TLL2: variants seen among roughly 807,000 people sequenced by gnomAD.
TLL2 encodes tolloid-like protein 2.
TLL2 carries 106 observed loss-of-function variants against 123.0 expected under a neutral mutation model. The observed-to-expected ratio is 0.86, with a 90% CI of 0.74 to 1.01. TLL2 has a LOEUF of 1.01. Among genes scored for constraint, TLL2 ranks in the 50% least tolerant of loss-of-function variants. The probability of loss-of-function intolerance (pLI) is 0.00; values close to 1 mark genes in which losing one functional copy is unlikely to be tolerated. For missense variants in TLL2, 1,332 were observed against 1,336.7 expected, an observed-to-expected ratio of 1.00 and a Z score of 0.06; for synonymous variants, 494 against 516.8, an observed-to-expected ratio of 0.96 and a Z score of 0.60.
At chr10:96,506,254 AAAAAAAAAAAAG>A (rs1191596070) in intron 1 of TLL2, among the ~76,000 whole-genome samples, 5 of 115,016 alleles carry the variant, frequency 4.3e-5, no homozygotes, top group African/African-American at 1.6e-4. Flanking sequence ...CCCATCTCAA[AAAAAAAAAAAAG>A]AAAAAAAAAA....
chr10:96,421,520 C>T (rs999492595), intron 6 of TLL2, among the ~76,000 whole-genome samples: 164 of 152,142 alleles, frequency 1.1e-3, no homozygotes, highest in East Asian at 5.6e-3. Context: ...AAAAATTAGC[C>T]GGGCATGGTG....
intron 1 of TLL2, among the ~76,000 whole-genome samples, chr10:96,483,290 A>G (rs1847328712): frequency 6.6e-6 from 1 of 152,200 alleles, no homozygotes; most frequent in African/African-American, 2.4e-5. Flanking sequence ...GACCTCCCAG[A>G]GTGTGGAGCT....
At chr10:96,433,768 T>C (rs1301194917) in intron 3 of TLL2, among the ~76,000 whole-genome samples, 1 of 152,186 alleles carries the variant, frequency 6.6e-6, no homozygotes, top group Non-Finnish European at 1.5e-5. Flanking sequence ...GCAGACTCTT[T>C]TCTTTGTTTT....
intron 19 of TLL2, among the ~76,000 whole-genome samples, chr10:96,372,336 G>A (rs962779619): frequency 2.6e-5 from 4 of 152,172 alleles, no homozygotes; most frequent in African/African-American, 9.7e-5. Flanking sequence ...AAGGATCACA[G>A]GGTCCCATGA....
chr10:96,484,298 T>G (rs1847337890), intron 1 of TLL2, among the ~76,000 whole-genome samples: 1 of 152,196 alleles, frequency 6.6e-6, no homozygotes, highest in Admixed American at 6.5e-5. Flanking sequence ...TCTATCAGGC[T>G]GAGACATAGA....
At chr10:96,407,945 C>A (rs1846467101) in intron 9 of TLL2, among the ~76,000 whole-genome samples, 1 of 152,192 alleles carries the variant, frequency 6.6e-6, no homozygotes, top group Non-Finnish European at 1.5e-5. Context: ...TGTTTTTCGA[C>A]CCTACTTGCA....
chr10:96,509,159 C>T (rs766631206), intron 1 of TLL2, among the ~76,000 whole-genome samples: 2 of 152,204 alleles, frequency 1.3e-5, no homozygotes, highest in South Asian at 2.1e-4. Flanking sequence ...GCGAATGAGC[C>T]TTCAGATAAC....
chr10:96,383,460 G>A (rs1397210819), intron 16 of TLL2, among the ~76,000 whole-genome samples: 1 of 152,128 alleles, frequency 6.6e-6, no homozygotes, highest in Admixed American at 6.5e-5. Flanking sequence ...TAAGTCTCAC[G>A]AGATCTGATG....
intron 15 of TLL2, 60 bp from the exon 16 acceptor site, chr10:96,384,827 C>A: frequency 6.9e-7 from 1 of 1,456,510 alleles, no homozygotes; most frequent in South Asian, 1.5e-5. Context: ...AGACCCCCAG[C>A]ACACTGCTGC....
intron 1 of TLL2, among the ~76,000 whole-genome samples, chr10:96,513,172 C>T (rs1400922071): frequency 6.6e-6 from 1 of 152,164 alleles, no homozygotes; most frequent in Non-Finnish European, 1.5e-5. Flanking sequence ...CGGCCCGGAG[C>T]GTCTGGCGGT....
Position 96,386,938 on chromosome 10 carries a change from A to G in TLL2, c.1852+15T>C. The G allele has an allele frequency of 1.2e-6, 2 of 1,613,712 alleles. No individual in the cohort carries two copies. The highest frequency in any genetic ancestry group is 1.7e-6 in the Non-Finnish European group (2 of 1,179,702). On this transcript the variant is annotated intron_variant, in intron 14 of 20. Coordinates refer to ENST00000357947, the MANE Select transcript of TLL2 (RefSeq NM_012465.4). ...ATATACCCTCTCATTCTAGCTTGGCAGGTCCCACACCAACCTTCACACATC... is the reference window on the plus strand; with the variant it reads ...ATATACCCTCTCATTCTAGCTTGGCGGGTCCCACACCAACCTTCACACATC...
At chr10:96,420,907 T>C (rs1846613338) in intron 7 of TLL2, 49 bp downstream of exon 7, 1 of 1,565,498 alleles carries the variant, frequency 6.4e-7, no homozygotes, top group Admixed American at 1.7e-5. Context: ...AACCCAAGCC[T>C]GCCGCAGGCA....
intron 13 of TLL2, among the ~76,000 whole-genome samples, chr10:96,388,672 A>T (rs1177890958): frequency 6.6e-6 from 1 of 152,204 alleles, no homozygotes; most frequent in Non-Finnish European, 1.5e-5. Flanking sequence ...GGTCCTCAGA[A>T]AACACAAACC....
chr10:96,417,038 T>C (rs1189948252), intron 7 of TLL2, among the ~76,000 whole-genome samples: 2 of 151,936 alleles, frequency 1.3e-5, no homozygotes, highest in Non-Finnish European at 2.9e-5. Context: ...TGCAATAAAC[T>C]AGAGAGAATG....
intron 1 of TLL2, among the ~76,000 whole-genome samples, chr10:96,501,027 C>A (rs1359225735): frequency 6.6e-6 from 1 of 152,122 alleles, no homozygotes; most frequent in Non-Finnish European, 1.5e-5. Flanking sequence ...GTAGGTACAG[C>A]ATTTTCAGGA....
In TLL2 at chr10:96,410,346, G is replaced by A. The variant is rs1589415356; in HGVS notation, c.1164+13C>T. 5 of 1,604,610 alleles carry A rather than the reference G, an allele frequency of 3.1e-6. No homozygotes were observed. Among genetic ancestry groups the A allele is most frequent in the African/African-American group, 1.3e-5 (1 of 74,680 alleles). ...GAGTGCCGTCCCATTTGCCAAGGGG[G>A]CTTCCCACCTACCTTTTCCCCTGGG... On this transcript the variant is annotated intron_variant, in intron 9 of 20. Transcript: ENST00000357947.
chr10:96,424,234 T>C (rs1047420166), intron 5 of TLL2, among the ~76,000 whole-genome samples: 2 of 152,082 alleles, frequency 1.3e-5, no homozygotes, highest in African/African-American at 2.4e-5. Context: ...ATGAATAAGA[T>C]ATACTATTTG....
chr10:96,416,298 C>T (rs765018531), intron 7 of TLL2, among the ~76,000 whole-genome samples: 6 of 152,232 alleles, frequency 3.9e-5, no homozygotes, highest in Non-Finnish European at 8.8e-5. Flanking sequence ...ACGTAGATGA[C>T]TTTGCCAGCG....
intron 1 of TLL2, among the ~76,000 whole-genome samples, chr10:96,512,305 G>A (rs1847639509): frequency 6.6e-6 from 1 of 152,116 alleles, no homozygotes; most frequent in Non-Finnish European, 1.5e-5. Context: ...AAAAAATAAC[G>A]ACAATGCCAT....
Sources: gnomAD v4.1 joint callset for allele counts (sites outside exome capture counted in the v4.1 genomes callset) on GRCh38, gnomAD v4.1.1 for gene constraint, MANE v1.5 for transcripts, NCBI Gene and HGNC (gene_info 2026-07-23, HGNC 2026-07-21) for gene names.